ROBO2: variants seen among roughly 807,000 people sequenced by gnomAD.
The protein encoded by ROBO2 is roundabout guidance receptor 2.
Under a neutral mutation model 160.8 loss-of-function variants are expected in ROBO2, and 53 were observed. The ratio of observed to expected loss-of-function variants is 0.33; its 90% CI spans 0.26 to 0.41. The LOEUF (loss-of-function observed/expected upper bound fraction) is 0.41, where lower values mean the gene tolerates loss of function less well. Ranked by LOEUF, ROBO2 falls within the 10% of genes least tolerant of loss-of-function variation. The probability of loss-of-function intolerance (pLI) is 1.00; values close to 1 mark genes in which losing one functional copy is unlikely to be tolerated. For missense variants in ROBO2, 1,577 were observed against 1,722.4 expected, an observed-to-expected ratio of 0.92 and a Z score of 1.49; for synonymous variants, 664 against 611.7, an observed-to-expected ratio of 1.09 and a Z score of -1.26.
chr3:76,553,984 T>C (rs191538786), intron 2 of ROBO2, among the ~76,000 whole-genome samples: 114 of 152,294 alleles, frequency 7.5e-4, no homozygotes, highest in Middle Eastern at 3.4e-3. Context: ...GCTTGAAATA[T>C]GCATACCAGG....
At chr3:76,463,435 T>C (rs779273816) in intron 2 of ROBO2, among the ~76,000 whole-genome samples, 6 of 152,134 alleles carry the variant, frequency 3.9e-5, no homozygotes, top group Admixed American at 1.3e-4. Context: ...AGGTTCACAA[T>C]TGACATTCCT....
intron 2 of ROBO2, among the ~76,000 whole-genome samples, chr3:77,192,806 T>C (rs1019310455): frequency 3.3e-5 from 5 of 151,680 alleles, no homozygotes; most frequent in Admixed American, 6.6e-5. Flanking sequence ...CCACCTCACC[T>C]GGCTTATTTT....
At chr3:76,107,753 T>C (rs1290123423) in intron 2 of ROBO2, among the ~76,000 whole-genome samples, 2 of 152,140 alleles carry the variant, frequency 1.3e-5, no homozygotes, top group Admixed American at 6.5e-5. Flanking sequence ...TATTTTATGA[T>C]ACCTGGTCAC....
chr3:77,309,451 A>T (rs755691495), intron 2 of ROBO2, among the ~76,000 whole-genome samples: 23 of 152,218 alleles, frequency 1.5e-4, no homozygotes, highest in Non-Finnish European at 2.2e-4. Flanking sequence ...CTATCCATTG[A>T]TTATCTATGA....
intron 2 of ROBO2, among the ~76,000 whole-genome samples, chr3:76,393,201 T>A (rs1003612133): frequency 2.6e-5 from 4 of 152,112 alleles, no homozygotes; most frequent in Non-Finnish European, 5.9e-5. Flanking sequence ...ACCTATTGAA[T>A]AAGAATCTCT....
chr3:76,383,076 AT>A (rs1247054203), intron 2 of ROBO2, among the ~76,000 whole-genome samples: 4 of 152,210 alleles, frequency 2.6e-5, no homozygotes, highest in Non-Finnish European at 5.9e-5. Flanking sequence ...ACATTGAACA[AT>A]TTTTTGAAAG....
intron 2 of ROBO2, among the ~76,000 whole-genome samples, chr3:77,188,377 G>A (rs1399991757): frequency 6.6e-6 from 1 of 151,782 alleles, no homozygotes; most frequent in African/African-American, 2.4e-5. Flanking sequence ...AAGTCTAGAT[G>A]TGTTTTATAT....
chr3:77,070,855 G>C (rs1429357294), intron 1 of ROBO2, among the ~76,000 whole-genome samples: 1 of 152,050 alleles, frequency 6.6e-6, no homozygotes, highest in East Asian at 1.9e-4. Flanking sequence ...GTAGAAACAA[G>C]GGCAAGCTTT....
chr3:77,164,186 G>A (rs1464857426), intron 2 of ROBO2, among the ~76,000 whole-genome samples: 2 of 152,174 alleles, frequency 1.3e-5, no homozygotes, highest in African/African-American at 2.4e-5. Context: ...AGCTGGGTAC[G>A]AATCTACAAT....
intron 2 of ROBO2, among the ~76,000 whole-genome samples, chr3:76,829,008 A>G (rs954912367): frequency 6.6e-6 from 1 of 152,056 alleles, no homozygotes; most frequent in East Asian, 1.9e-4. Context: ...CTTCTGGTCT[A>G]CATCCATGAT....
At chr3:76,043,560 A>C (rs2067346171) in intron 2 of ROBO2, among the ~76,000 whole-genome samples, 1 of 128,470 alleles carries the variant, frequency 7.8e-6, no homozygotes, top group Non-Finnish European at 1.6e-5. Flanking sequence ...TGGATTTTTC[A>C]GTCTTTGATG....
chr3:77,557,995 C>A (rs755515210), exon 9 of ROBO2: 1 of 1,613,142 alleles, frequency 6.2e-7, no homozygotes. Flanking sequence ...GCCAACCAAA[C>A]GCTGGCAGTG....
intron 2 of ROBO2, among the ~76,000 whole-genome samples, chr3:76,940,138 C>A (rs538411764): frequency 4.3e-4 from 65 of 152,006 alleles, no homozygotes; most frequent in African/African-American, 1.5e-3. Flanking sequence ...CCCGCCACCA[C>A]GCCCGGGTAA....
chr3:77,410,374 C>T (rs573000201), intron 2 of ROBO2, among the ~76,000 whole-genome samples: 21 of 152,212 alleles, frequency 1.4e-4, no homozygotes, highest in African/African-American at 4.6e-4. Context: ...AGCTAATTTT[C>T]TTCGCCTGTA....
intron 24 of ROBO2, among the ~76,000 whole-genome samples, chr3:77,640,174 C>T (rs1195731858): frequency 8.1e-6 from 1 of 123,704 alleles, no homozygotes; most frequent in South Asian, 2.6e-4. Context: ...TACAGTGGGG[C>T]GATCTCGGCT....
At position 76,952,534 on chromosome 3, in the gene ROBO2, G is replaced by A. The variant is rs1374098579; in HGVS notation, c.110-145480G>A. On this transcript the variant is annotated intron_variant, in intron 2 of 26. Transcript: ENST00000487694. Reference sequence around the variant, plus strand: ...CTTGACCTCGTGATCCGCCTGCCTCGGCCTCCCAAAGTGCTGGGATTACAG... The same window carrying A: ...CTTGACCTCGTGATCCGCCTGCCTCAGCCTCCCAAAGTGCTGGGATTACAG... 8.6e-5 allele frequency among the ~76,000 whole-genome samples: 13 copies of A among 151,858 alleles called. No homozygotes were observed. In the East Asian group the frequency reaches 9.7e-4, roughly 11 times the overall value.
intron 5 of ROBO2, among the ~76,000 whole-genome samples, chr3:77,514,261 A>G (rs1249961716): frequency 6.6e-6 from 1 of 151,826 alleles, no homozygotes; most frequent in African/African-American, 2.4e-5. Context: ...CAAAATATAA[A>G]TACCTTTGAT....
At chr3:76,854,600 A>C (rs1034461271) in intron 2 of ROBO2, among the ~76,000 whole-genome samples, 1 of 152,162 alleles carries the variant, frequency 6.6e-6, no homozygotes, top group Admixed American at 6.6e-5. Context: ...GAGAAACAGT[A>C]ACTTATGCCT....
At chr3:77,593,260 T>TA (rs1210084014) in intron 17 of ROBO2, among the ~76,000 whole-genome samples, 1 of 151,816 alleles carries the variant, frequency 6.6e-6, no homozygotes, top group African/African-American at 2.4e-5. Context: ...GATGGAAAGC[T>TA]AATTAGCTAT....
Sources: allele counts gnomAD v4.1 joint callset (sites outside exome capture counted in the v4.1 genomes callset), GRCh38; gene constraint gnomAD v4.1.1; transcripts MANE v1.5; gene names NCBI Gene and HGNC (gene_info 2026-07-23, HGNC 2026-07-21).